Variants in UIMC1 observed in about 807,000 individuals in gnomAD.
UIMC1 encodes the protein ubiquitin interaction motif containing 1.
UIMC1 carries 42 observed loss-of-function variants against 84.9 expected under a neutral mutation model. The ratio of observed to expected loss-of-function variants is 0.49; its 90% CI spans 0.39 to 0.64. The LOEUF (loss-of-function observed/expected upper bound fraction) is 0.64, where lower values mean the gene tolerates loss of function less well. Among genes scored for constraint, UIMC1 ranks in the 30% least tolerant of loss-of-function variants. The pLI is 0.00. For synonymous variants in UIMC1, 281 were observed against 293.0 expected (o/e 0.96, Z 0.42); for missense variants, 825 against 847.6 (o/e 0.97, Z 0.33).
At chr5:176,991,068 C>A (rs1475785679) in intron 1 of UIMC1, among the ~76,000 whole-genome samples, 1 of 151,950 alleles carries the variant, frequency 6.6e-6, no homozygotes, top group Non-Finnish European at 1.5e-5. Context: ...ACTGCAGTGG[C>A]ACTATCTCGG....
intron 10 of UIMC1, among the ~76,000 whole-genome samples, chr5:176,938,846 A>C (rs58875168): frequency 0.033 from 5,001 of 152,172 alleles, 296 homozygotes; most frequent in African/African-American, 0.11. Context: ...TCATCTTTTA[A>C]TTAATTTCTT....
chr5:176,968,204 T>TGTTGG (rs1768608219), intron 6 of UIMC1, among the ~76,000 whole-genome samples: 1 of 152,096 alleles, frequency 6.6e-6, no homozygotes, highest in African/African-American at 2.4e-5. Context: ...AAACCCCGTC[T>TGTTGG]CTACTAAAAG....
chr5:176,987,135 A>C (rs1772143038), intron 1 of UIMC1, among the ~76,000 whole-genome samples: 2 of 152,010 alleles, frequency 1.3e-5, no homozygotes. Context: ...CAGGAGAATC[A>C]CTTGAACCCG....
chr5:176,950,873 AAAAAAGAAAAGAAAAGG>A (rs1433152857), intron 9 of UIMC1, among the ~76,000 whole-genome samples: 1 of 152,156 alleles, frequency 6.6e-6, no homozygotes, highest in Non-Finnish European at 1.5e-5. Context: ...TCCATCCCAA[AAAAAAGAAAAGAAAAGG>A]AAAAATATAC....
At chr5:176,996,090 T>C (rs911527735) in intron 1 of UIMC1, among the ~76,000 whole-genome samples, 13 of 151,988 alleles carry the variant, frequency 8.6e-5, no homozygotes, top group African/African-American at 3.1e-4. Context: ...ATCTCTACAA[T>C]GAAAAATTGC....
At chr5:176,950,673 C>G (rs2149453563) in intron 9 of UIMC1, among the ~76,000 whole-genome samples, 1 of 151,824 alleles carries the variant, frequency 6.6e-6, no homozygotes. Flanking sequence ...AGTTCAATAC[C>G]AGCCTGGCCA....
At chr5:176,936,947 C>G (rs1763780847) in intron 10 of UIMC1, among the ~76,000 whole-genome samples, 1 of 152,130 alleles carries the variant, frequency 6.6e-6, no homozygotes, top group South Asian at 2.1e-4. Context: ...GTCTGCCTCC[C>G]ACTACTAGAA....
chr5:176,982,121 G>GAACA (rs1771148187), intron 2 of UIMC1, among the ~76,000 whole-genome samples: 1 of 152,088 alleles, frequency 6.6e-6, no homozygotes, highest in South Asian at 2.1e-4. Context: ...ATTATATGTA[G>GAACA]AACATATCAA....
intron 1 of UIMC1, among the ~76,000 whole-genome samples, chr5:177,020,841 A>C (rs1040972390): frequency 6.6e-6 from 1 of 152,178 alleles, no homozygotes; most frequent in Admixed American, 6.6e-5. Flanking sequence ...CATCTAGCTC[A>C]TAGTAAATTC....
rs190626392 is a variant in UIMC1 at position 176,979,541 on chromosome 5, C to T, written c.147+2928G>A. ...TCGCTTGAACCTGGGAGGCGGACGTCGCAGTGAGCCGAGATTGCACCACTA... is the reference window on the plus strand; with the variant it reads ...TCGCTTGAACCTGGGAGGCGGACGTTGCAGTGAGCCGAGATTGCACCACTA... On this transcript the variant is annotated intron_variant, in intron 2 of 14. Transcript: ENST00000511320. Among the ~76,000 whole-genome samples the T allele has an allele frequency of 1.4e-3, 218 of 151,058 alleles. 1 individual carries two copies. The highest frequency in any genetic ancestry group is 6.9e-3 in the Middle Eastern group (2 of 288).
At chr5:176,978,360 G>A (rs868250855) in intron 2 of UIMC1, among the ~76,000 whole-genome samples, 59 of 152,168 alleles carry the variant, frequency 3.9e-4, no homozygotes, top group Middle Eastern at 3.4e-3. Flanking sequence ...GCGACAGAGC[G>A]AGACTCTGTC....
intron 1 of UIMC1, among the ~76,000 whole-genome samples, chr5:176,991,767 C>T (rs1772875874): frequency 6.6e-6 from 1 of 151,660 alleles, no homozygotes. Flanking sequence ...CCCAAGTCTA[C>T]TAAAAATACA....
rs1354773561 is a variant in UIMC1, at chr5:176,973,018, C to T, written c.233-2152G>A. Among the ~76,000 whole-genome samples the T allele has an allele frequency of 6.0e-5, 9 of 151,040 alleles. No individual in the cohort carries two copies. In the South Asian group the frequency reaches 1.3e-3, roughly 21 times the overall value. On this transcript the variant is annotated intron_variant, in intron 3 of 14. Coordinates refer to ENST00000511320, the MANE Select transcript of UIMC1 (RefSeq NM_001199298.2). ...GCAACCTCTGCCTCCCAGGTTCAAG[C>T]GATACTCCTCCCTCAGCCTCCGAAG...
chr5:176,951,607 A>G, intron 8 of UIMC1, 30 bp from the exon 9 acceptor site: 1 of 1,500,332 alleles, frequency 6.7e-7, no homozygotes, highest in Non-Finnish European at 9.0e-7. Context: ...AAATCCCATT[A>G]ATTTTCATTT....
chr5:177,019,415 C>T (rs1775740176), intron 1 of UIMC1, among the ~76,000 whole-genome samples: 1 of 151,402 alleles, frequency 6.6e-6, no homozygotes, highest in African/African-American at 2.4e-5. Context: ...GCAGGAGGAT[C>T]GCTTGAGCTC....
intron 1 of UIMC1, among the ~76,000 whole-genome samples, chr5:176,999,026 C>CA (rs879344136): frequency 1.7e-4 from 25 of 150,684 alleles, no homozygotes; most frequent in Non-Finnish European, 3.3e-4. Context: ...CCCGTCCCTA[C>CA]AAAAAAAAAT....
chr5:176,907,397 T>C (rs1319383725), intron 12 of UIMC1: 2 of 463,754 alleles, frequency 4.3e-6, no homozygotes, highest in African/African-American at 3.9e-5. Context: ...GGATTTAAAA[T>C]AGAAAATAAA....
At chr5:177,019,928 T>TA (rs36095013) in intron 1 of UIMC1, among the ~76,000 whole-genome samples, 45,567 of 145,620 alleles carry the variant, frequency 0.31, 6,834 homozygotes, top group Middle Eastern at 0.43. Flanking sequence ...ACTCCGTCTA[T>TA]AAAAAAAAAA....
At position 176,968,588 on chromosome 5, in the gene UIMC1, CAA is replaced by C; in HGVS notation, c.1165_1166del (p.Leu389ValfsTer18). ...SSIKSLKEKLLLEEEPTTSHG... is the reference protein window; with the variant it reads ...SSIKSLKEKLXLEEEPTTSHG... ...GACTGGTTGTTGGTTCTTCCTCCAA[CAA>C]AAGTTTCTCTTTCAAGCTTTTAATT... On this transcript the variant is annotated frameshift_variant, in exon 6 of 15. Transcript: ENST00000511320. LOFTEE classifies it high-confidence loss of function. 6.2e-7 allele frequency: 1 copy of C among 1,612,326 alleles called. No individual in the cohort carries two copies. The highest frequency in any genetic ancestry group is 8.5e-7 in the Non-Finnish European group (1 of 1,179,394).
Sources: allele counts gnomAD v4.1 joint callset (sites outside exome capture counted in the v4.1 genomes callset), GRCh38; gene constraint gnomAD v4.1.1; transcripts MANE v1.5; gene names NCBI Gene and HGNC (gene_info 2026-07-23, HGNC 2026-07-21).